The following RBFOX1 variants were observed in gnomAD, a reference collection of about 807,000 sequenced individuals.
RBFOX1 encodes RNA binding protein fox-1 homolog 1.
A neutral mutation model predicts 57.7 loss-of-function variants in RBFOX1; 8 were observed. That is an observed-to-expected ratio of 0.14 (90% CI 0.08 to 0.25). The LOEUF is 0.25. Among genes scored for constraint, RBFOX1 ranks in the 10% least tolerant of loss-of-function variants. The probability of loss-of-function intolerance (pLI) is 1.00; values close to 1 mark genes in which losing one functional copy is unlikely to be tolerated. For missense variants in RBFOX1, 611 were observed against 548.5 expected, an observed-to-expected ratio of 1.11 and a Z score of -1.14; for synonymous variants, 326 against 222.4, an observed-to-expected ratio of 1.47 and a Z score of -4.15.
chr16:5,258,911 T>C (rs1276763419), intron 1 of RBFOX1, among the ~76,000 whole-genome samples: 2 of 150,232 alleles, frequency 1.3e-5, no homozygotes, highest in Non-Finnish European at 3.0e-5. Context: ...AACGAATCTC[T>C]GAAAAAAAAA....
At chr16:6,674,070 C>T (rs2098785164) in intron 3 of RBFOX1, among the ~76,000 whole-genome samples, 1 of 152,126 alleles carries the variant, frequency 6.6e-6, no homozygotes, top group South Asian at 2.1e-4. Flanking sequence ...GTAGGAGATT[C>T]AGCACTCTCT....
intron 1 of RBFOX1, among the ~76,000 whole-genome samples, chr16:5,395,405 G>C (rs760930890): frequency 6.6e-6 from 1 of 152,140 alleles, no homozygotes; most frequent in Non-Finnish European, 1.5e-5. Context: ...GCCAGTGATG[G>C]GTTCTGTGAA....
At chr16:6,603,175 C>A (rs2097877127) in intron 2 of RBFOX1, among the ~76,000 whole-genome samples, 1 of 152,168 alleles carries the variant, frequency 6.6e-6, no homozygotes, top group Non-Finnish European at 1.5e-5. Flanking sequence ...ATCTGAATGG[C>A]AGCATGCCTT....
chr16:6,168,397 C>T (rs2096933511), intron 1 of RBFOX1, among the ~76,000 whole-genome samples: 1 of 152,116 alleles, frequency 6.6e-6, no homozygotes, highest in South Asian at 2.1e-4. Context: ...TGTCTTCCTT[C>T]TACGTAGAGC....
At chr16:6,870,259 C>A (rs2060637361) in intron 3 of RBFOX1, among the ~76,000 whole-genome samples, 1 of 152,082 alleles carries the variant, frequency 6.6e-6, no homozygotes. Flanking sequence ...ATGGAGAGAG[C>A]ATTCCCTTTG....
At chr16:5,247,841 C>T (rs1368563904) in intron 1 of RBFOX1, among the ~76,000 whole-genome samples, 1 of 152,180 alleles carries the variant, frequency 6.6e-6, no homozygotes, top group Non-Finnish European at 1.5e-5. Flanking sequence ...AGTCCAGCCA[C>T]CCTTGAAATG....
intron 1 of RBFOX1, among the ~76,000 whole-genome samples, chr16:6,214,224 A>G (rs1328646999): frequency 6.6e-6 from 1 of 152,186 alleles, no homozygotes; most frequent in Non-Finnish European, 1.5e-5. Flanking sequence ...TGTACCCACC[A>G]GCCCTACATT....
At chr16:7,122,581 G>C (rs138955770) in intron 4 of RBFOX1, among the ~76,000 whole-genome samples, 2 of 152,124 alleles carry the variant, frequency 1.3e-5, no homozygotes, top group African/African-American at 2.4e-5. Flanking sequence ...TAGTGCTGTG[G>C]AGGATTCAGA....
At chr16:5,653,546 G>A (rs982902378) in intron 3 of RBFOX1, among the ~76,000 whole-genome samples, 1 of 152,132 alleles carries the variant, frequency 6.6e-6, no homozygotes. Context: ...TGCAGAAGGT[G>A]GGGTGCTGAG....
chr16:7,154,258 G>A (rs2076658390), intron 4 of RBFOX1, among the ~76,000 whole-genome samples: 1 of 152,178 alleles, frequency 6.6e-6, no homozygotes, highest in African/African-American at 2.4e-5. Flanking sequence ...GGAAGACATG[G>A]CAGAGATACT....
chr16:6,444,688 A>AAAT (rs1597340708), intron 2 of RBFOX1, among the ~76,000 whole-genome samples: 2 of 152,090 alleles, frequency 1.3e-5, no homozygotes, highest in South Asian at 4.1e-4. Flanking sequence ...AAATGGACTA[A>AAAT]TACAAGGCAC....
chr16:6,754,023 C>T (rs1235676745), intron 3 of RBFOX1, among the ~76,000 whole-genome samples: 1 of 152,094 alleles, frequency 6.6e-6, no homozygotes, highest in Non-Finnish European at 1.5e-5. Context: ...CCAACTCTTG[C>T]TGAGTAGTTT....
At chr16:7,072,478 A>C (rs1186616344) in intron 4 of RBFOX1, among the ~76,000 whole-genome samples, 2 of 152,116 alleles carry the variant, frequency 1.3e-5, no homozygotes, top group African/African-American at 4.8e-5. Flanking sequence ...TCTACTCTCT[A>C]CTGCCTATAA....
At chr16:5,344,469 G>A (rs931410436) in intron 1 of RBFOX1, among the ~76,000 whole-genome samples, 3 of 152,108 alleles carry the variant, frequency 2.0e-5, no homozygotes, top group African/African-American at 4.8e-5. Context: ...TTCTTATTTT[G>A]TTCCCTCTTA....
chr16:6,664,900 C>T (rs148827621), intron 3 of RBFOX1, among the ~76,000 whole-genome samples: 1 of 152,342 alleles, frequency 6.6e-6, no homozygotes, highest in African/African-American at 2.4e-5. Flanking sequence ...AGTCACATTC[C>T]TGTCTGTCCA....
In RBFOX1 at chr16:6,895,781, C is replaced by T. The variant is rs147768759; in HGVS notation, c.-15-156276C>T. ...TGAGCCCTAAGACAGGTTGAAATCC[C>T]AGCTCTGCCACTTCCCGAATGTGAG... On this transcript the variant is annotated intron_variant, in intron 3 of 15. Transcript: ENST00000550418. Among the ~76,000 whole-genome samples, 433 of 152,102 alleles carry T rather than the reference C, an allele frequency of 2.8e-3. 1 individual carries two copies. Among genetic ancestry groups the T allele is most frequent in the Middle Eastern group, 0.014 (4 of 294 alleles).
At chr16:6,988,919 C>T (rs540354963) in intron 3 of RBFOX1, among the ~76,000 whole-genome samples, 13 of 152,042 alleles carry the variant, frequency 8.6e-5, no homozygotes, top group South Asian at 6.2e-4. Flanking sequence ...TTACAGGCGC[C>T]CACTACCATG....
At chr16:7,699,111 A>G (rs1325254563) in intron 14 of RBFOX1, among the ~76,000 whole-genome samples, 1 of 152,202 alleles carries the variant, frequency 6.6e-6, no homozygotes, top group African/African-American at 2.4e-5. Context: ...GAGCCTGGAA[A>G]TCTGCATTCT....
chr16:7,126,737 C>G (rs1299369056), intron 4 of RBFOX1: 2 of 151,796 alleles, frequency 1.3e-5, no homozygotes, highest in East Asian at 3.9e-4. Context: ...GCCTGTAATC[C>G]CAGCATTTCG....
Sources: gnomAD v4.1 joint callset for allele counts (sites outside exome capture counted in the v4.1 genomes callset) on GRCh38, gnomAD v4.1.1 for gene constraint, MANE v1.5 for transcripts, NCBI Gene and HGNC (gene_info 2026-07-23, HGNC 2026-07-21) for gene names.